PITPNC1: variants seen among roughly 807,000 people sequenced by gnomAD.
PITPNC1 encodes the protein phosphatidylinositol transfer protein cytoplasmic 1, also known as cytoplasmic phosphatidylinositol transfer protein 1.
PITPNC1 carries 18 observed loss-of-function variants against 44.7 expected under a neutral mutation model. The ratio of observed to expected loss-of-function variants is 0.40; its 90% CI spans 0.28 to 0.60. The LOEUF (loss-of-function observed/expected upper bound fraction) is 0.60. PITPNC1 is among the 20% of genes least tolerant of loss of function. PITPNC1 has a pLI of 0.39. For missense variants in PITPNC1, 290 were observed against 418.4 expected (o/e 0.69, Z 2.68); for synonymous variants, 141 against 149.6 (o/e 0.94, Z 0.42).
chr17:67,409,548 G>A (rs1406296492), intron 1 of PITPNC1, among the ~76,000 whole-genome samples: 5 of 149,610 alleles, frequency 3.3e-5, no homozygotes, highest in African/African-American at 1.2e-4. Context: ...TTTTTTGGTG[G>A]TGGTGGCGGG....
chr17:67,503,404 G>C (rs2040061276), intron 1 of PITPNC1, among the ~76,000 whole-genome samples: 1 of 152,150 alleles, frequency 6.6e-6, no homozygotes, highest in Non-Finnish European at 1.5e-5. Flanking sequence ...TCACAGAGCT[G>C]GCAATAGAAT....
chr17:67,497,814 C>A (rs1029177533), intron 1 of PITPNC1, among the ~76,000 whole-genome samples: 1 of 151,414 alleles, frequency 6.6e-6, no homozygotes. Context: ...AAGCGTGAGC[C>A]ACCATGCCCA....
intron 1 of PITPNC1, among the ~76,000 whole-genome samples, chr17:67,515,718 G>A (rs568012990): frequency 1.3e-5 from 2 of 152,286 alleles, no homozygotes; most frequent in East Asian, 3.9e-4. Flanking sequence ...CTGGGCAAGC[G>A]GAAGGGATTT....
At chr17:67,507,327 G>A (rs1254216756) in intron 1 of PITPNC1, among the ~76,000 whole-genome samples, 1 of 152,088 alleles carries the variant, frequency 6.6e-6, no homozygotes, top group East Asian at 1.9e-4. Context: ...ACTTGGGAGA[G>A]GAGTTCAGAT....
chr17:67,446,306 G>A (rs889044987), intron 1 of PITPNC1, among the ~76,000 whole-genome samples: 21 of 151,654 alleles, frequency 1.4e-4, no homozygotes, highest in Admixed American at 4.6e-4. Flanking sequence ...AGTGTGCTCC[G>A]TATTGGTTTC....
At chr17:67,647,067 C>G (rs750709899) in intron 6 of PITPNC1, among the ~76,000 whole-genome samples, 1 of 152,114 alleles carries the variant, frequency 6.6e-6, no homozygotes, top group Admixed American at 6.5e-5. Flanking sequence ...AACCCCGAGT[C>G]TCAGTGACTA....
chr17:67,684,775 T>C (rs937945593), intron 8 of PITPNC1, among the ~76,000 whole-genome samples: 1 of 152,232 alleles, frequency 6.6e-6, no homozygotes, highest in Non-Finnish European at 1.5e-5. Context: ...TTCATTATTA[T>C]GAACATTGCT....
At chr17:67,418,839 G>T (rs2038624220) in intron 1 of PITPNC1, among the ~76,000 whole-genome samples, 1 of 152,166 alleles carries the variant, frequency 6.6e-6, no homozygotes, top group Non-Finnish European at 1.5e-5. Context: ...GGGATTACAG[G>T]CGTGAGCCAC....
intron 1 of PITPNC1, among the ~76,000 whole-genome samples, chr17:67,394,762 C>T (rs146646886): frequency 5.9e-5 from 9 of 152,110 alleles, no homozygotes; most frequent in East Asian, 1.9e-4. Context: ...GGCGTGGTGG[C>T]GGGCGCCTGT....
chr17:67,692,016 A>G (rs990619978), intron 8 of PITPNC1, among the ~76,000 whole-genome samples: 33 of 137,092 alleles, frequency 2.4e-4, no homozygotes, highest in Non-Finnish European at 1.9e-4. Context: ...CTCAGAAAGA[A>G]AAAAAAAAAA....
At position 67,481,852 on chromosome 17, in the gene PITPNC1, C is replaced by T. The variant is rs2039708761; in HGVS notation, c.49-50950C>T. 2.0e-5 allele frequency among the ~76,000 whole-genome samples: 3 copies of T among 148,928 alleles called. No homozygotes were observed. In the South Asian group the frequency reaches 6.6e-4, roughly 33 times the overall value. ...TTTACAGTCTGATTGAGAAACCGGA[C>T]CAATAACAATTCGAAGTAGTATATG... On this transcript the variant is annotated intron_variant, in intron 1 of 8. Coordinates refer to ENST00000581322, the MANE Select transcript of PITPNC1 (RefSeq NM_012417.4).
Position 67,377,930 on chromosome 17 carries a change from C to G in PITPNC1, c.-225C>G. ...CACCGCGTTCCGGGAGGACCGGCCT[C>G]GGCGAGGGAGGAGGCGGGGGAGCTG... On this transcript the variant is annotated 5_prime_UTR_variant, in exon 1 of 9. Coordinates refer to ENST00000581322, the MANE Select transcript of PITPNC1 (RefSeq NM_012417.4). 1 of 410,934 alleles carries G rather than the reference C, an allele frequency of 2.4e-6. No individual in the cohort carries two copies. Among genetic ancestry groups the G allele is most frequent in the East Asian group, 3.9e-5 (1 of 25,514 alleles). The allele number at this position is 410,934 out of a possible 1,614,324, so 25.5% of individuals were successfully genotyped here. A position where few individuals can be genotyped will look rare whatever the true frequency, so the allele number is the denominator to read the frequency against.
At position 67,570,228 on chromosome 17, in the gene PITPNC1, GC is replaced by G. The variant is rs2041034307; in HGVS notation, c.295-7957del. 5.3e-5 allele frequency among the ~76,000 whole-genome samples: 8 copies of G among 152,332 alleles called. 1 individual carries two copies. The South Asian group carries it at 1.7e-3, about 32-fold the overall frequency. ...GATCCTGGTAGAGTTTTTGTTCCCT[GC>G]ATGAAGTCAGCAGGGGGCCAAGGGA... is the stretch of plus-strand genomic sequence containing the variant. On this transcript the variant is annotated intron_variant, in intron 4 of 8. Transcript: ENST00000581322.
chr17:67,420,187 T>G (rs2038650661), intron 1 of PITPNC1, among the ~76,000 whole-genome samples: 1 of 152,128 alleles, frequency 6.6e-6, no homozygotes, highest in Non-Finnish European at 1.5e-5. Context: ...CATGACAAGT[T>G]TTGTATTAAT....
chr17:67,616,930 G>A (rs901673289), intron 5 of PITPNC1, among the ~76,000 whole-genome samples: 1 of 152,120 alleles, frequency 6.6e-6, no homozygotes, highest in African/African-American at 2.4e-5. Flanking sequence ...TTGTTGACAG[G>A]TTTTTATCTG....
At chr17:67,575,819 T>TTTCCTTCC (rs1173397726) in intron 4 of PITPNC1, among the ~76,000 whole-genome samples, 13 of 108,534 alleles carry the variant, frequency 1.2e-4, no homozygotes, top group African/African-American at 3.6e-4. Flanking sequence ...TCTTTCTTTC[T>TTTCCTTCC]TTCCTTCCTT....
At chr17:67,437,842 C>T (rs562984773) in intron 1 of PITPNC1, among the ~76,000 whole-genome samples, 4 of 152,098 alleles carry the variant, frequency 2.6e-5, no homozygotes, top group South Asian at 2.1e-4. Context: ...CCGAGGCGGG[C>T]GGATCACTTG....
At chr17:67,609,028 T>C (rs1014896366) in intron 5 of PITPNC1, among the ~76,000 whole-genome samples, 9 of 151,536 alleles carry the variant, frequency 5.9e-5, no homozygotes. Flanking sequence ...ATTTATTTAT[T>C]TATTTTTATT....
At chr17:67,528,400 T>G (rs2040417789) in intron 1 of PITPNC1, among the ~76,000 whole-genome samples, 1 of 152,266 alleles carries the variant, frequency 6.6e-6, no homozygotes, top group Non-Finnish European at 1.5e-5. Flanking sequence ...ATCAGTGCCT[T>G]GCACTAATGG....
Sources: gnomAD v4.1 joint callset for allele counts (sites outside exome capture counted in the v4.1 genomes callset) on GRCh38, gnomAD v4.1.1 for gene constraint, MANE v1.5 for transcripts, NCBI Gene and HGNC (gene_info 2026-07-23, HGNC 2026-07-21) for gene names.